The following DCDC2 variants were observed in gnomAD, a reference collection of about 807,000 sequenced individuals.
DCDC2 encodes doublecortin domain-containing protein 2.
DCDC2 carries 40 observed loss-of-function variants against 50.2 expected under a neutral mutation model. That is an observed-to-expected ratio of 0.80 (90% CI 0.62 to 1.04). DCDC2 has a LOEUF of 1.04. Ranked by LOEUF, DCDC2 falls within the 50% of genes least tolerant of loss-of-function variation. The pLI is 0.00. For synonymous variants in DCDC2, 234 were observed against 210.6 expected (o/e 1.11, Z -0.96); for missense variants, 570 against 581.9 (o/e 0.98, Z 0.21).
intron 2 of DCDC2, among the ~76,000 whole-genome samples, chr6:24,319,836 A>T (rs1759739468): frequency 6.6e-6 from 1 of 152,126 alleles, no homozygotes; most frequent in Admixed American, 6.5e-5. Context: ...GCAGAGATGG[A>T]GGGAGAGGAG....
chr6:24,292,456 G>A (rs188397464), intron 4 of DCDC2, among the ~76,000 whole-genome samples: 1 of 152,162 alleles, frequency 6.6e-6, no homozygotes, highest in Non-Finnish European at 1.5e-5. Flanking sequence ...CAACATTCCT[G>A]AAATGTATTT....
At chr6:24,186,055 C>A (rs893914572) in intron 8 of DCDC2, among the ~76,000 whole-genome samples, 1 of 152,214 alleles carries the variant, frequency 6.6e-6, no homozygotes, top group African/African-American at 2.4e-5. Context: ...CTTTGGCATC[C>A]ATTTTTCACA....
intron 8 of DCDC2, among the ~76,000 whole-genome samples, chr6:24,194,192 A>G (rs1761374499): frequency 6.6e-6 from 1 of 152,134 alleles, no homozygotes; most frequent in Non-Finnish European, 1.5e-5. Flanking sequence ...GGTGTGGCAA[A>G]TGGCTGCTAT....
At chr6:24,228,743 C>A (rs1022690746) in intron 7 of DCDC2, among the ~76,000 whole-genome samples, 14 of 152,168 alleles carry the variant, frequency 9.2e-5, no homozygotes, top group Admixed American at 6.5e-5. Flanking sequence ...TTCCTTAACC[C>A]AGGCTCTGAT....
chr6:24,377,070 A>G, the DCDC2 span, among the ~76,000 whole-genome samples: 3 of 152,208 alleles, frequency 2.0e-5, no homozygotes, highest in Admixed American at 1.3e-4. Context: ...CTGTCTCTAG[A>G]CAATTATTTC....
chr6:24,259,399 C>T (rs753232529), intron 7 of DCDC2, among the ~76,000 whole-genome samples: 3 of 152,096 alleles, frequency 2.0e-5, no homozygotes, highest in Non-Finnish European at 2.9e-5. Flanking sequence ...TAGTGATATT[C>T]GCAGTCACCA....
At chr6:24,336,817 T>C (rs1760064981) in intron 2 of DCDC2, among the ~76,000 whole-genome samples, 1 of 152,130 alleles carries the variant, frequency 6.6e-6, no homozygotes, top group Non-Finnish European at 1.5e-5. Context: ...CTTTGTAACA[T>C]CAGCAACAAC....
chr6:24,183,018 T>C lies in DCDC2; in HGVS notation c.1024-4386A>G, dbSNP rs187282402. On this transcript the variant is annotated intron_variant, in intron 8 of 9. Transcript: ENST00000378454. Reference sequence around the variant, plus strand: ...ATGCAAAATGCATGAAACAGAGATATTATGCTAAGTGAAATAAGCCAGTCA... The same window carrying C: ...ATGCAAAATGCATGAAACAGAGATACTATGCTAAGTGAAATAAGCCAGTCA... Among the ~76,000 whole-genome samples, 264 of 152,296 alleles carry C rather than the reference T, an allele frequency of 1.7e-3. 1 individual carries two copies. Among genetic ancestry groups the C allele is most frequent in the South Asian group, 0.01 (50 of 4,822 alleles).
chr6:24,360,857 T>C (rs1297902544), upstream of DCDC2, among the ~76,000 whole-genome samples: 1 of 152,114 alleles, frequency 6.6e-6, no homozygotes, highest in African/African-American at 2.4e-5. Context: ...CAGAGGTAAA[T>C]ATTATTCTTT....
chr6:24,375,144 C>T, the DCDC2 span, among the ~76,000 whole-genome samples: 2 of 152,172 alleles, frequency 1.3e-5, no homozygotes, highest in South Asian at 2.1e-4. Context: ...ATGCAGGCTT[C>T]CTACCACCCT....
At chr6:24,324,222 A>G (rs1368995171) in intron 2 of DCDC2, among the ~76,000 whole-genome samples, 11 of 152,130 alleles carry the variant, frequency 7.2e-5, no homozygotes, top group Non-Finnish European at 1.6e-4. Context: ...TTTTTCCTCA[A>G]AAAATGTAAG....
intron 1 of DCDC2, among the ~76,000 whole-genome samples, chr6:24,356,509 A>G (rs1760469927): frequency 6.6e-6 from 1 of 152,202 alleles, no homozygotes; most frequent in African/African-American, 2.4e-5. Flanking sequence ...CTGAAAGCCA[A>G]TGAAATGGTT....
At chr6:24,182,634 A>AAAAAAAAT (rs1259237468) in intron 8 of DCDC2, among the ~76,000 whole-genome samples, 1 of 149,758 alleles carries the variant, frequency 6.7e-6, no homozygotes, top group Non-Finnish European at 1.5e-5. Flanking sequence ...GACAAGAAAA[A>AAAAAAAAT]AAAAAAAAAA....
At chr6:24,256,291 T>A (rs180851148) in intron 7 of DCDC2, among the ~76,000 whole-genome samples, 1,914 of 151,764 alleles carry the variant, frequency 0.013, 42 homozygotes, top group African/African-American at 0.042. Flanking sequence ...TTTTTTTTTT[T>A]ATCTGACTGT....
chr6:24,187,213 G>A (rs1761223969), intron 8 of DCDC2, among the ~76,000 whole-genome samples: 4 of 152,138 alleles, frequency 2.6e-5, no homozygotes, highest in Non-Finnish European at 4.4e-5. Flanking sequence ...TGGAAAGAGG[G>A]ATGGCTGGAT....
In DCDC2 at chr6:24,209,120, G is replaced by A. The variant is rs112926435; in HGVS notation, c.923-4018C>T. 3.2e-4 allele frequency among the ~76,000 whole-genome samples: 49 copies of A among 152,248 alleles called. No homozygotes were observed. The East Asian group carries it at 4.8e-3, about 15-fold the overall frequency. On this transcript the variant is annotated intron_variant, in intron 7 of 9. Transcript: ENST00000378454. ...ATGTTTCCCCTCTGTCGATGCCATC[G>A]TAAAAAGCAACTGAAGACACATTTC...
the DCDC2 span, among the ~76,000 whole-genome samples, chr6:24,371,205 A>C: frequency 1.4e-5 from 2 of 142,588 alleles, no homozygotes; most frequent in Admixed American, 7.7e-5. Context: ...TGAACCCAGG[A>C]GGCGGAGGTT....
intron 4 of DCDC2, among the ~76,000 whole-genome samples, chr6:24,292,111 AAT>A (rs996881459): frequency 5.9e-5 from 9 of 152,164 alleles, no homozygotes; most frequent in African/African-American, 9.7e-5. Flanking sequence ...AGCTACAATT[AAT>A]ATGTTACTTA....
At chr6:24,258,021 G>A (rs564510735) in intron 7 of DCDC2, among the ~76,000 whole-genome samples, 30 of 152,110 alleles carry the variant, frequency 2.0e-4, no homozygotes, top group Non-Finnish European at 4.3e-4. Flanking sequence ...AGACACGGAG[G>A]GGATTAGAAA....
Sources: gnomAD v4.1 joint callset for allele counts (sites outside exome capture counted in the v4.1 genomes callset) on GRCh38, gnomAD v4.1.1 for gene constraint, MANE v1.5 for transcripts, NCBI Gene and HGNC (gene_info 2026-07-23, HGNC 2026-07-21) for gene names.